AGPS: variants seen among roughly 807,000 people sequenced by gnomAD.
AGPS encodes the protein alkyldihydroxyacetonephosphate synthase, peroxisomal.
A neutral mutation model predicts 90.7 loss-of-function variants in AGPS; 26 were observed. The observed-to-expected ratio is 0.29, with a 90% CI of 0.21 to 0.40. The LOEUF is 0.40. AGPS is among the 10% of genes least tolerant of loss of function. The pLI is 1.00. For missense variants in AGPS, 540 were observed against 816.1 expected, an observed-to-expected ratio of 0.66 and a Z score of 4.12; for synonymous variants, 294 against 285.3, an observed-to-expected ratio of 1.03 and a Z score of -0.31.
intron 19 of AGPS, among the ~76,000 whole-genome samples, chr2:177,531,416 A>C (rs1311609679): frequency 1.3e-5 from 2 of 152,226 alleles, no homozygotes; most frequent in Non-Finnish European, 2.9e-5. Flanking sequence ...AAAGAAAATG[A>C]AATAGGCATA....
intron 8 of AGPS, among the ~76,000 whole-genome samples, chr2:177,458,680 C>T (rs1042462501): frequency 1.3e-5 from 2 of 152,144 alleles, no homozygotes; most frequent in African/African-American, 4.8e-5. Flanking sequence ...AGAGAGAACA[C>T]AAACAAATGG....
rs114541775 is a variant in AGPS at position 177,485,645 on chromosome 2, G to A, written c.1233+3459G>A. Among the ~76,000 whole-genome samples the A allele has an allele frequency of 2.5e-3, 383 of 152,226 alleles. 4 individuals carry two copies. Among genetic ancestry groups the A allele is most frequent in the African/African-American group, 8.7e-3 (362 of 41,536 alleles). On this transcript the variant is annotated intron_variant, in intron 11 of 19. Transcript: ENST00000264167. ...CACAAAACTATAGTGAGCCAGGTGC[G>A]GTGGCTCACATCTGTAATCCCAGCA...
At chr2:177,421,225 A>C (rs576806001) in intron 2 of AGPS, among the ~76,000 whole-genome samples, 20 of 152,170 alleles carry the variant, frequency 1.3e-4, no homozygotes, top group Admixed American at 3.9e-4. Context: ...TGCTGGAACC[A>C]AAAATAAAAA....
intron 2 of AGPS, among the ~76,000 whole-genome samples, chr2:177,425,622 G>GAA (rs1159060576): frequency 0.063 from 5,918 of 94,664 alleles, 336 homozygotes; most frequent in African/African-American, 0.13. Flanking sequence ...ACTCTGCCTA[G>GAA]AAAAAAAAAA....
At chr2:177,496,265 G>A (rs1374306166) in intron 12 of AGPS, among the ~76,000 whole-genome samples, 3 of 152,062 alleles carry the variant, frequency 2.0e-5, no homozygotes, top group African/African-American at 4.8e-5. Context: ...TGAATCTTTT[G>A]TATAAAGAAT....
chr2:177,420,119 A>G, intron 1 of AGPS, 150 bp from the exon 2 acceptor site: 1 of 554,836 alleles, frequency 1.8e-6, no homozygotes, highest in Non-Finnish European at 3.2e-6. Flanking sequence ...GTATATGGAC[A>G]TTTTAATGTG....
intron 2 of AGPS, among the ~76,000 whole-genome samples, chr2:177,431,627 A>G (rs1264086534): frequency 1.3e-5 from 2 of 152,162 alleles, no homozygotes; most frequent in East Asian, 3.9e-4. Context: ...GGTATTAATT[A>G]TTAATATTCC....
intron 1 of AGPS, among the ~76,000 whole-genome samples, chr2:177,397,837 TG>T (rs1164938018): frequency 6.6e-6 from 1 of 152,182 alleles, no homozygotes; most frequent in Non-Finnish European, 1.5e-5. Flanking sequence ...AAGACCAGCC[TG>T]GGTAAGATGG....
chr2:177,434,997 G>GGGTGTATATATA (rs36151985), intron 3 of AGPS, among the ~76,000 whole-genome samples: 10 of 128,158 alleles, frequency 7.8e-5, no homozygotes, highest in African/African-American at 2.8e-4. Flanking sequence ...TAAACTGTAG[G>GGGTGTATATATA]TATATATATA....
At chr2:177,428,962 A>G (rs902210379) in intron 2 of AGPS, among the ~76,000 whole-genome samples, 1 of 152,110 alleles carries the variant, frequency 6.6e-6, no homozygotes, top group Non-Finnish European at 1.5e-5. Flanking sequence ...AATCAGTCAT[A>G]GGTTCAGTCT....
chr2:177,479,879 C>T (rs888289099), intron 10 of AGPS, among the ~76,000 whole-genome samples: 7 of 152,098 alleles, frequency 4.6e-5, no homozygotes, highest in African/African-American at 1.7e-4. Flanking sequence ...GTGAATATAA[C>T]GCAAAACATT....
At chr2:177,501,899 C>T (rs575850321) in intron 14 of AGPS, among the ~76,000 whole-genome samples, 1 of 152,290 alleles carries the variant, frequency 6.6e-6, no homozygotes, top group Admixed American at 6.5e-5. Flanking sequence ...AACTCCTGAC[C>T]TCGTGGTCCA....
At chr2:177,399,609 G>T (rs983692938) in intron 1 of AGPS, among the ~76,000 whole-genome samples, 1 of 152,144 alleles carries the variant, frequency 6.6e-6, no homozygotes, top group Admixed American at 6.5e-5. Flanking sequence ...GGCCTCCTCT[G>T]CAGGTGTAGA....
At chr2:177,445,948 A>G (rs1232964906) in intron 8 of AGPS, among the ~76,000 whole-genome samples, 1 of 152,164 alleles carries the variant, frequency 6.6e-6, no homozygotes, top group Non-Finnish European at 1.5e-5. Flanking sequence ...ATGGATCATC[A>G]AATGGGGCTA....
At chr2:177,410,691 G>T (rs930155396) in intron 1 of AGPS, among the ~76,000 whole-genome samples, 4 of 152,172 alleles carry the variant, frequency 2.6e-5, no homozygotes, top group South Asian at 4.1e-4. Context: ...GGGACAGGGA[G>T]AGTAAGACTG....
At chr2:177,503,049 T>A (rs917684780) in intron 14 of AGPS, among the ~76,000 whole-genome samples, 3 of 152,204 alleles carry the variant, frequency 2.0e-5, no homozygotes, top group African/African-American at 7.2e-5. Flanking sequence ...CTCTACTGCC[T>A]TATTAGCTTT....
At chr2:177,436,480 G>A (rs1409998756) in intron 3 of AGPS, among the ~76,000 whole-genome samples, 2 of 152,124 alleles carry the variant, frequency 1.3e-5, no homozygotes, top group African/African-American at 2.4e-5. Context: ...ACAGGTATAA[G>A]TGTAGATAGT....
rs370888029 is a variant in AGPS, at chr2:177,512,841, CATGA to C, written c.1608-977_1608-974del. On this transcript the variant is annotated intron_variant, in intron 16 of 19. Transcript: ENST00000264167. ...AGCTATCGAACATTTGATATAACAT[CATGA>C]TTATAATTTATTTTGAAAGACAGTG... is the stretch of plus-strand genomic sequence containing the variant. 3.0e-3 allele frequency among the ~76,000 whole-genome samples: 462 copies of C among 152,180 alleles called. 3 individuals carry two copies. Among genetic ancestry groups the C allele is most frequent in the African/African-American group, 0.01 (431 of 41,524 alleles).
intron 10 of AGPS, among the ~76,000 whole-genome samples, chr2:177,469,427 T>C (rs1687546345): frequency 6.6e-6 from 1 of 152,190 alleles, no homozygotes; most frequent in Non-Finnish European, 1.5e-5. Flanking sequence ...ACTATGTTTC[T>C]TAGTGATGTG....
Sources: allele counts gnomAD v4.1 joint callset (sites outside exome capture counted in the v4.1 genomes callset), GRCh38; gene constraint gnomAD v4.1.1; transcripts MANE v1.5; gene names NCBI Gene and HGNC (gene_info 2026-07-23, HGNC 2026-07-21).